Variants in SLC6A5 observed in about 807,000 individuals in gnomAD.
SLC6A5 encodes the protein solute carrier family 6 member 5.
SLC6A5 carries 58 observed loss-of-function variants against 90.5 expected under a neutral mutation model. The ratio of observed to expected loss-of-function variants is 0.64; its 90% CI spans 0.52 to 0.80. The LOEUF (loss-of-function observed/expected upper bound fraction) is 0.80, where lower values mean the gene tolerates loss of function less well. SLC6A5 is among the 30% of genes least tolerant of loss of function. SLC6A5 has a pLI of 0.00. For synonymous variants in SLC6A5, 427 were observed against 401.4 expected (o/e 1.06, Z -0.76); for missense variants, 1,015 against 1,017.6 (o/e 1.00, Z 0.03).
At chr11:20,648,985 A>G (rs1590182445) in intron 14 of SLC6A5, among the ~76,000 whole-genome samples, 1 of 152,120 alleles carries the variant, frequency 6.6e-6, no homozygotes, top group Admixed American at 6.5e-5. Context: ...GGAGGTGACA[A>G]TGCCAAGAAT....
intron 14 of SLC6A5, among the ~76,000 whole-genome samples, chr11:20,651,837 G>T (rs1235395456): frequency 1.3e-5 from 2 of 151,944 alleles, no homozygotes; most frequent in African/African-American, 4.8e-5. Context: ...AACCTGGGAG[G>T]GGGAGGTTGC....
chr11:20,610,577 G>A (rs1003441562), intron 5 of SLC6A5, among the ~76,000 whole-genome samples: 13 of 152,188 alleles, frequency 8.5e-5, no homozygotes, highest in Admixed American at 8.5e-4. Context: ...TAACTTATGT[G>A]CTTATTTACA....
rs779020989 is a variant in SLC6A5, at chr11:20,655,949, T to A, written c.*1081T>A. 1 of 152,226 alleles carries A rather than the reference T, an allele frequency of 6.6e-6. No individual in the cohort carries two copies. The highest frequency in any genetic ancestry group is 2.4e-5 in the African/African-American group (1 of 41,454). The allele number at this position is 152,226 out of a possible 1,614,324, so 9.4% of individuals were successfully genotyped here. On this transcript the variant is annotated 3_prime_UTR_variant, in exon 16 of 16. Coordinates refer to ENST00000525748, the MANE Select transcript of SLC6A5 (RefSeq NM_004211.5). ...AATAGAAAGCAACCACAATATTCAC[T>A]GCACTGGTAGTACATTTTAGGACAT...
intron 7 of SLC6A5, among the ~76,000 whole-genome samples, chr11:20,619,024 G>A (rs1349317560): frequency 1.3e-5 from 2 of 151,536 alleles, no homozygotes; most frequent in African/African-American, 4.8e-5. Context: ...CTGATCACAT[G>A]CAATAATATT....
chr11:20,604,487 G>T (rs1172792168), intron 3 of SLC6A5, 63 bp downstream of exon 3: 8 of 1,586,258 alleles, frequency 5.0e-6, no homozygotes, highest in Middle Eastern at 2.3e-4. Flanking sequence ...GGTTGGGTGG[G>T]ACAGGAGCCC....
intron 7 of SLC6A5, among the ~76,000 whole-genome samples, chr11:20,623,096 T>A (rs915146654): frequency 1.3e-5 from 2 of 152,142 alleles, no homozygotes; most frequent in African/African-American, 2.4e-5. Context: ...TGCTCCTCCC[T>A]TCCATTCCTA....
In SLC6A5 at chr11:20,601,281, C is replaced by T. The variant is rs1247393655; in HGVS notation, c.156C>T (p.Pro52=). Residue 52 remains proline (P), a synonymous_variant, in exon 2 of 16, where the codon CCC becomes CCT. Transcript: ENST00000525748. The stretch of plus-strand genomic sequence containing the variant: ...CCGCCCCGCCGCCGCCACGTGTGCC[C>T]AGGTCCGCTTCCACCGGCGCCCAAA... ...AAAAPPPPRV[P]RSASTGAQTF... 1 of 1,588,720 alleles carries T rather than the reference C, an allele frequency of 6.3e-7. No individual in the cohort carries two copies. Among genetic ancestry groups the T allele is most frequent in the South Asian group, 1.1e-5 (1 of 89,192 alleles).
intron 10 of SLC6A5, among the ~76,000 whole-genome samples, chr11:20,632,230 A>G (rs1390718748): frequency 6.6e-6 from 1 of 152,050 alleles, no homozygotes; most frequent in Non-Finnish European, 1.5e-5. Flanking sequence ...GTTCTGTCCC[A>G]TTTTCTAGAA....
intron 14 of SLC6A5, among the ~76,000 whole-genome samples, chr11:20,648,374 A>G (rs1413099725): frequency 6.6e-6 from 1 of 152,194 alleles, no homozygotes; most frequent in East Asian, 1.9e-4. Flanking sequence ...CTGAAAAGCT[A>G]GAAATGTAGA....
intron 7 of SLC6A5, among the ~76,000 whole-genome samples, chr11:20,624,915 G>A (rs907515088): frequency 3.9e-5 from 6 of 152,186 alleles, no homozygotes; most frequent in Non-Finnish European, 7.3e-5. Context: ...GATTGTAAGT[G>A]ACACTGTACT....
At chr11:20,601,740 G>T (rs1276232360) in intron 2 of SLC6A5, 75 bp downstream of exon 2, 2 of 1,500,824 alleles carry the variant, frequency 1.3e-6, no homozygotes, top group Non-Finnish European at 1.8e-6. Context: ...GGGCCGTGGC[G>T]GGTGCACGTA....
rs1853227013 is a variant in SLC6A5, at chr11:20,637,273, C to G, written c.1839C>G (p.Phe613Leu). ...PVFTLGCCIC[F>L]FIMGFPMITQ... Reference sequence around the variant, plus strand: ...TTACTCTGGGCTGCTGCATTTGTTTCTTCATCATGGGTTTTCCAATGATCA... The same window carrying G: ...TTACTCTGGGCTGCTGCATTTGTTTGTTCATCATGGGTTTTCCAATGATCA... Residue 613 changes from phenylalanine (F) to leucine (L), a missense_variant, in exon 12 of 16, where the codon TTC (phenylalanine) becomes TTG (leucine). Physicochemically the swap from Phe to Leu is conservative, Grantham distance 22. Transcript: ENST00000525748. 4 of 1,606,910 alleles carry G rather than the reference C, an allele frequency of 2.5e-6. No individual in the cohort carries two copies. The highest frequency in any genetic ancestry group is 2.3e-5 in the East Asian group (1 of 44,406).
intron 8 of SLC6A5, among the ~76,000 whole-genome samples, chr11:20,627,147 G>A (rs899362198): frequency 9.9e-5 from 15 of 152,246 alleles, no homozygotes; most frequent in African/African-American, 2.9e-4. Context: ...ATAGAGTGTC[G>A]GAAGGGTAGT....
At position 20,655,236 on chromosome 11, in the gene SLC6A5, A is replaced by G. The variant is rs573212975; in HGVS notation, c.*368A>G. On this transcript the variant is annotated 3_prime_UTR_variant, in exon 16 of 16. Coordinates refer to ENST00000525748, the MANE Select transcript of SLC6A5 (RefSeq NM_004211.5). The stretch of plus-strand genomic sequence containing the variant: ...CATGGGGGGTGCCAGTAAGGCATGT[A>G]TAGAGTGGCCGAATTACAAGACTTT... The G allele has an allele frequency of 8.5e-5, 29 of 342,646 alleles. No homozygotes were observed. The highest frequency in any genetic ancestry group is 2.6e-4 in the African/African-American group (12 of 46,998). The allele number at this position is 342,646 out of a possible 1,614,324, so 21.2% of individuals were successfully genotyped here.
At position 20,601,645 on chromosome 11, in the gene SLC6A5, G is replaced by T. The variant is rs768896174; in HGVS notation, c.520G>T (p.Val174Leu). ...AATCACGTCCGTGCTCCCGGGCAGC[G>T]TGGCCACCGTTGCCACCCAGGTAAG... is the stretch of plus-strand genomic sequence containing the variant. ...DGITSVLPGS[V>L]ATVATQEDEQ... Residue 174 changes from valine to leucine, a missense_variant, in exon 2 of 16, where the codon GTG (valine) becomes TTG (leucine). Transcript: ENST00000525748. 1.7e-5 allele frequency: 27 copies of T among 1,613,766 alleles called. No homozygotes were observed. The South Asian group carries it at 2.7e-4, about 16-fold the overall frequency.
Position 20,601,117 on chromosome 11 carries a change from T to C in SLC6A5, c.4-12T>C, listed in dbSNP as rs1463209277. 4.4e-6 allele frequency: 7 copies of C among 1,583,656 alleles called. No individual in the cohort carries two copies. Among genetic ancestry groups the C allele is most frequent in the Non-Finnish European group, 3.4e-6 (4 of 1,172,478 alleles). ...GACTTTGTTTTGCACGAACTTGACATTGTGTTTGCAGGATTGCAGTGCTCC... is the reference window on the plus strand; with the variant it reads ...GACTTTGTTTTGCACGAACTTGACACTGTGTTTGCAGGATTGCAGTGCTCC... On this transcript the variant is annotated splice_polypyrimidine_tract_variant and intron_variant, in intron 1 of 15. Transcript: ENST00000525748.
In SLC6A5 at chr11:20,658,072, G is replaced by A. The variant is rs187493502; in HGVS notation, c.*3204G>A. 1 of 152,296 alleles carries A rather than the reference G, an allele frequency of 6.6e-6. No homozygotes were observed. Among genetic ancestry groups the A allele is most frequent in the Admixed American group, 6.5e-5 (1 of 15,300 alleles). 9.4% of individuals were successfully genotyped at this position (152,296 alleles called of 1,614,324 possible). A position where few individuals can be genotyped will look rare whatever the true frequency, so the allele number is the denominator to read the frequency against. The stretch of plus-strand genomic sequence containing the variant: ...TTCAGTAAGCAGCACTTTAAAAAGA[G>A]TTTAACATGATGACCTTTAAATGGA... On this transcript the variant is annotated 3_prime_UTR_variant, in exon 16 of 16. Transcript: ENST00000525748.
intron 13 of SLC6A5, among the ~76,000 whole-genome samples, chr11:20,642,064 G>A (rs1256538784): frequency 4.0e-5 from 6 of 151,890 alleles, no homozygotes; most frequent in Middle Eastern, 3.2e-3. Flanking sequence ...TTGTCCAAAA[G>A]TATACACAAG....
Position 20,617,014 on chromosome 11 carries a change from T to C in SLC6A5, c.1128-738T>C, listed in dbSNP as rs144146350. On this transcript the variant is annotated intron_variant, in intron 6 of 15. Transcript: ENST00000525748. The stretch of plus-strand genomic sequence containing the variant: ...TAGAAAGAATTGTCTGAGTCTGTTA[T>C]CAGGCACTGTCCCTGAAGCTGCCTC... 3.0e-3 allele frequency among the ~76,000 whole-genome samples: 454 copies of C among 152,366 alleles called. 2 individuals are homozygous for C. The highest frequency in any genetic ancestry group is 0.01 in the Middle Eastern group (3 of 294).
Sources: gnomAD v4.1 joint callset for allele counts (sites outside exome capture counted in the v4.1 genomes callset) on GRCh38, gnomAD v4.1.1 for gene constraint, MANE v1.5 for transcripts, NCBI Gene and HGNC (gene_info 2026-07-23, HGNC 2026-07-21) for gene names.